The following ARID4A variants were observed in gnomAD, a reference collection of about 807,000 sequenced individuals.
ARID4A encodes the protein AT-rich interaction domain 4A, also known as AT-rich interactive domain-containing protein 4A.
ARID4A carries 39 observed loss-of-function variants against 148.6 expected under a neutral mutation model. That is an observed-to-expected ratio of 0.26 (90% CI 0.20 to 0.34). ARID4A has a LOEUF of 0.34. ARID4A is among the 10% of genes least tolerant of loss of function. The probability of loss-of-function intolerance (pLI) is 1.00; values close to 1 mark genes in which losing one functional copy is unlikely to be tolerated. For missense variants in ARID4A, 1,265 were observed against 1,449.1 expected (o/e 0.87, Z 2.06); for synonymous variants, 475 against 481.2 (o/e 0.99, Z 0.17).
intron 5 of ARID4A, among the ~76,000 whole-genome samples, chr14:58,316,897 A>G (rs1038711146): frequency 8.2e-6 from 1 of 121,660 alleles, no homozygotes; most frequent in Admixed American, 8.5e-5. Context: ...ATGATTTTTT[A>G]AAATATGTAC....
intron 23 of ARID4A, among the ~76,000 whole-genome samples, chr14:58,370,633 G>T (rs1361524340): frequency 1.3e-5 from 2 of 150,978 alleles, no homozygotes; most frequent in South Asian, 2.1e-4. Flanking sequence ...TTTGTTGTTG[G>T]GGGGTACAGG....
intron 8 of ARID4A, among the ~76,000 whole-genome samples, chr14:58,327,423 G>T (rs1362615563): frequency 6.6e-6 from 1 of 151,782 alleles, no homozygotes; most frequent in Non-Finnish European, 1.5e-5. Context: ...CAGAAGTTAA[G>T]AAATTAAAAA....
chr14:58,318,818 A>C lies in ARID4A; in HGVS notation c.449+13A>C. On this transcript the variant is annotated intron_variant, in intron 7 of 23. Transcript: ENST00000355431. ...CTTCTCTTCCTGTGTGAGTTTTTTC[A>C]TATATGGTATCATTTTAATTACAAT... is the stretch of plus-strand genomic sequence containing the variant. 2 of 1,584,028 alleles carry C rather than the reference A, an allele frequency of 1.3e-6. No individual in the cohort carries two copies. The highest frequency in any genetic ancestry group is 1.7e-6 in the Non-Finnish European group (2 of 1,153,914).
chr14:58,311,433 G>A (rs548531756), intron 5 of ARID4A, among the ~76,000 whole-genome samples: 5 of 152,264 alleles, frequency 3.3e-5, no homozygotes, highest in South Asian at 2.1e-4. Flanking sequence ...GAAGATAAAA[G>A]GTTACAAGCA....
chr14:58,352,964 G>A (rs779975982), intron 16 of ARID4A, among the ~76,000 whole-genome samples: 1 of 152,130 alleles, frequency 6.6e-6, no homozygotes, highest in Non-Finnish European at 1.5e-5. Flanking sequence ...GTAAAGCTTT[G>A]TTCTTGTGGT....
At chr14:58,299,489 A>G (rs1037906829) in intron 1 of ARID4A, 2 of 214,424 alleles carry the variant, frequency 9.3e-6, no homozygotes, top group African/African-American at 4.6e-5. Context: ...GCCCGAAGGG[A>G]GCTCTGGCCT....
rs114390592 is a variant in ARID4A at position 58,303,263 on chromosome 14, A to G, written c.117+1573A>G. On this transcript the variant is annotated intron_variant, in intron 3 of 23. Transcript: ENST00000355431. Reference sequence around the variant, plus strand: ...TTAAATCAAGATAATTTGCATATCTATCATCTCAAACATTTTTCATTTCTT... The same window carrying G: ...TTAAATCAAGATAATTTGCATATCTGTCATCTCAAACATTTTTCATTTCTT... Among the ~76,000 whole-genome samples, 766 of 152,310 alleles carry G rather than the reference A, an allele frequency of 5.0e-3. 6 individuals are homozygous for G. The highest frequency in any genetic ancestry group is 0.013 in the African/African-American group (526 of 41,562).
chr14:58,330,002 G>C lies in ARID4A; in HGVS notation c.740-1G>C. On this transcript the variant is annotated splice_acceptor_variant, in intron 10 of 23. Coordinates refer to ENST00000355431, the MANE Select transcript of ARID4A (RefSeq NM_002892.4). LOFTEE classifies it high-confidence loss of function. Reference sequence around the variant, plus strand: ...CTGCTGAAGTACATTTTCACTCTTAGGGCTTCAGAAAGCAAGCATCTTCTT... The same window carrying C: ...CTGCTGAAGTACATTTTCACTCTTACGGCTTCAGAAAGCAAGCATCTTCTT... 6.2e-7 allele frequency: 1 copy of C among 1,608,260 alleles called. No individual in the cohort carries two copies.
At position 58,351,312 on chromosome 14, in the gene ARID4A, A is replaced by C; in HGVS notation, c.1644A>C (p.Lys548Asn). The C allele has an allele frequency of 6.3e-7, 1 of 1,598,912 alleles. No homozygotes were observed. The highest frequency in any genetic ancestry group is 1.8e-5 in the Admixed American group (1 of 55,716). The change falls in exon 16 of 24, where the codon AAA (lysine) becomes AAC (asparagine). Residue 548 changes from lysine to asparagine, a missense_variant. This residue lies in a region of ARID4A where 205 missense variants were observed against 196.9 expected (regional missense o/e 1.04). Transcript: ENST00000355431. ...AAGACTCAGATGAAGAGGAAGAGAA[A>C]AGCCAAGAGAGGTACATTATCTTAT... Reference protein sequence around the residue: ...SDKDSDEEEEKSQEREETESK... With the variant: ...SDKDSDEEEENSQEREETESK...
intron 11 of ARID4A, among the ~76,000 whole-genome samples, chr14:58,337,007 T>G (rs530012874): frequency 4.6e-5 from 7 of 151,254 alleles, no homozygotes; most frequent in Admixed American, 4.0e-4. Flanking sequence ...TTTTCATGCT[T>G]CAGCCTTCCC....
chr14:58,362,369 A>G (rs2035170734), intron 19 of ARID4A, among the ~76,000 whole-genome samples: 1 of 152,088 alleles, frequency 6.6e-6, no homozygotes, highest in South Asian at 2.1e-4. Flanking sequence ...CAAAAGGATC[A>G]CTTGAGCCCA....
intron 15 of ARID4A, among the ~76,000 whole-genome samples, chr14:58,349,461 A>C (rs1210363989): frequency 6.6e-6 from 1 of 151,458 alleles, no homozygotes; most frequent in Non-Finnish European, 1.5e-5. Context: ...CCTCGCCAAT[A>C]TGGTGAAACC....
intron 17 of ARID4A, among the ~76,000 whole-genome samples, chr14:58,355,386 CTA>C (rs1463588625): frequency 6.6e-6 from 1 of 152,100 alleles, no homozygotes; most frequent in Non-Finnish European, 1.5e-5. Flanking sequence ...CTTATATATC[CTA>C]TGATTTTTCC....
chr14:58,366,887 A>G lies in ARID4A; in HGVS notation c.3528A>G (p.Glu1176=), dbSNP rs765686067. 6.7e-6 allele frequency: 10 copies of G among 1,497,704 alleles called. No individual in the cohort carries two copies. Among genetic ancestry groups the G allele is most frequent in the Non-Finnish European group, 8.8e-6 (10 of 1,133,202 alleles). The allele number at this position is 1,497,704 out of a possible 1,614,324, so 92.8% of individuals were successfully genotyped here. A position where few individuals can be genotyped will look rare whatever the true frequency, so the allele number is the denominator to read the frequency against. The part of the protein sequence containing the change: ...RTYKWSFQLN[E]LDNMNSTERI... ...AACTTCTTTCCCCCCTTTTAGATGA[A>G]TTAGATAATATGAACAGTACAGAGA... The change falls in exon 23 of 24, where the codon GAA becomes GAG. Residue 1176 remains glutamate (E), a synonymous_variant. Coordinates refer to ENST00000355431, the MANE Select transcript of ARID4A (RefSeq NM_002892.4).
At chr14:58,314,947 C>T (rs1043610196) in intron 5 of ARID4A, among the ~76,000 whole-genome samples, 107 of 152,090 alleles carry the variant, frequency 7.0e-4, no homozygotes, top group African/African-American at 2.5e-3. Context: ...GGTGAAACCC[C>T]GTCTCTACTA....
intron 19 of ARID4A, among the ~76,000 whole-genome samples, chr14:58,361,457 A>G (rs2140263312): frequency 6.6e-6 from 1 of 152,300 alleles, no homozygotes; most frequent in Non-Finnish European, 1.5e-5. Flanking sequence ...ACAGTCTGTG[A>G]TTGTTTGGCA....
intron 3 of ARID4A, among the ~76,000 whole-genome samples, chr14:58,303,230 T>C (rs1171589076): frequency 6.6e-6 from 1 of 152,200 alleles, no homozygotes; most frequent in East Asian, 1.9e-4. Context: ...ACATATAATG[T>C]ATGGTGATTA....
At chr14:58,320,455 TC>T (rs947542721) in intron 7 of ARID4A, among the ~76,000 whole-genome samples, 1 of 152,142 alleles carries the variant, frequency 6.6e-6, no homozygotes, top group African/African-American at 2.4e-5. Context: ...TGTCAGTTGT[TC>T]CAATAATAGC....
intron 11 of ARID4A, among the ~76,000 whole-genome samples, chr14:58,332,193 G>T (rs1480654328): frequency 6.6e-6 from 1 of 152,046 alleles, no homozygotes; most frequent in Non-Finnish European, 1.5e-5. Flanking sequence ...CAGAGGCAAA[G>T]CTCTGTTACC....
Sources: allele counts gnomAD v4.1 joint callset (sites outside exome capture counted in the v4.1 genomes callset), GRCh38; gene constraint gnomAD v4.1.1; regional missense constraint gnomAD v4.1.1; transcripts MANE v1.5; gene names NCBI Gene and HGNC (gene_info 2026-07-23, HGNC 2026-07-21).